Variants in FBXW7 observed in about 807,000 individuals in gnomAD.
FBXW7 encodes F-box and WD repeat domain containing 7, also known as F-box/WD repeat-containing protein 7.
Under a neutral mutation model 86.3 loss-of-function variants are expected in FBXW7, and 11 were observed. The observed-to-expected ratio is 0.13, with a 90% CI of 0.08 to 0.21. The LOEUF is 0.21. FBXW7 is among the 10% of genes least tolerant of loss of function. The pLI, the probability that FBXW7 is intolerant of heterozygous loss-of-function variation, is 1.00. For missense variants in FBXW7, 488 were observed against 847.4 expected, an observed-to-expected ratio of 0.58 and a Z score of 5.27; for synonymous variants, 313 against 297.9, an observed-to-expected ratio of 1.05 and a Z score of -0.52.
chr4:152,339,974 G>A (rs1026060176), intron 6 of FBXW7, among the ~76,000 whole-genome samples: 1 of 150,576 alleles, frequency 6.6e-6, no homozygotes, highest in African/African-American at 2.4e-5. Context: ...TTTTATCAAG[G>A]CTTTTGGAGG....
chr4:152,364,448 C>G (rs1733270197), intron 4 of FBXW7, among the ~76,000 whole-genome samples: 1 of 152,124 alleles, frequency 6.6e-6, no homozygotes, highest in African/African-American at 2.4e-5. Flanking sequence ...GGAAAACTGG[C>G]AAAAGTTATG....
At chr4:152,425,819 G>A (rs189772505) in intron 2 of FBXW7, among the ~76,000 whole-genome samples, 79 of 152,254 alleles carry the variant, frequency 5.2e-4, no homozygotes, top group Non-Finnish European at 9.1e-4. Flanking sequence ...GGCCACATAT[G>A]ATAGTTCTCT....
At chr4:152,482,085 T>C (rs551735958) in intron 2 of FBXW7, among the ~76,000 whole-genome samples, 9 of 152,276 alleles carry the variant, frequency 5.9e-5, no homozygotes, top group East Asian at 3.9e-4. Flanking sequence ...ACAAACTTCA[T>C]TGCTGTCTTA....
At chr4:152,520,533 A>G (rs1748920291) in intron 2 of FBXW7, among the ~76,000 whole-genome samples, 1 of 151,486 alleles carries the variant, frequency 6.6e-6, no homozygotes, top group Non-Finnish European at 1.5e-5. Flanking sequence ...TCTTTCCTAC[A>G]CCTCAATAGC....
intron 6 of FBXW7, among the ~76,000 whole-genome samples, chr4:152,340,628 T>C (rs1366207007): frequency 9.2e-6 from 1 of 108,888 alleles, no homozygotes; most frequent in Non-Finnish European, 2.0e-5. Flanking sequence ...CGAGTAGCAA[T>C]AGAAAATGAG....
intron 2 of FBXW7, among the ~76,000 whole-genome samples, chr4:152,448,496 C>G (rs1027639562): frequency 7.2e-5 from 11 of 152,152 alleles, no homozygotes; most frequent in African/African-American, 2.7e-4. Flanking sequence ...TGCAACTGGT[C>G]TGATGTATGG....
intron 4 of FBXW7, chr4:152,353,033 CA>C: frequency 1.7e-6 from 2 of 1,185,490 alleles, no homozygotes; most frequent in Non-Finnish European, 2.1e-6. Flanking sequence ...TCTCCCCTTT[CA>C]AACTTTCAAG....
At chr4:152,390,634 T>C (rs1735917730) in intron 4 of FBXW7, among the ~76,000 whole-genome samples, 1 of 152,088 alleles carries the variant, frequency 6.6e-6, no homozygotes, top group South Asian at 2.1e-4. Context: ...AGAAAGACAA[T>C]AACTTCTTTA....
intron 6 of FBXW7, among the ~76,000 whole-genome samples, chr4:152,341,820 T>C (rs117031644): frequency 0.018 from 2,711 of 152,308 alleles, 45 homozygotes; most frequent in Middle Eastern, 0.037. Context: ...TGTGTGTGTG[T>C]GCGCGCGCAT....
intron 4 of FBXW7, among the ~76,000 whole-genome samples, chr4:152,376,668 C>T (rs1370031910): frequency 6.6e-6 from 1 of 151,810 alleles, no homozygotes; most frequent in Non-Finnish European, 1.5e-5. Context: ...CACAGTATTG[C>T]TAAGAGGTCC....
At chr4:152,382,097 A>G in intron 4 of FBXW7, 1 of 842,572 alleles carries the variant, frequency 1.2e-6, no homozygotes, top group South Asian at 2.8e-5. Flanking sequence ...AATTTTAAAT[A>G]AAAACTGAAA....
chr4:152,409,269 T>C (rs926575586), intron 4 of FBXW7, among the ~76,000 whole-genome samples: 2 of 152,176 alleles, frequency 1.3e-5, no homozygotes, highest in African/African-American at 4.8e-5. Flanking sequence ...GGGATTTCAT[T>C]TCTTATGCCT....
At chr4:152,382,769 T>A (rs144139538) in intron 4 of FBXW7, among the ~76,000 whole-genome samples, 1 of 152,290 alleles carries the variant, frequency 6.6e-6, no homozygotes, top group African/African-American at 2.4e-5. Context: ...CATTGTATCT[T>A]GAGTATCTAT....
intron 2 of FBXW7, among the ~76,000 whole-genome samples, chr4:152,418,433 T>C (rs894127103): frequency 1.3e-5 from 2 of 152,142 alleles, no homozygotes; most frequent in African/African-American, 2.4e-5. Context: ...TTTCTATTGC[T>C]GTTTGGGCTT....
intron 2 of FBXW7, among the ~76,000 whole-genome samples, chr4:152,431,358 G>C (rs573778201): frequency 6.6e-6 from 1 of 152,242 alleles, no homozygotes; most frequent in South Asian, 2.1e-4. Context: ...AGTGGGTTTT[G>C]TAAGGTGGGA....
chr4:152,380,729 CTTGT>C (rs1384815031), intron 4 of FBXW7, among the ~76,000 whole-genome samples: 4 of 151,916 alleles, frequency 2.6e-5, no homozygotes, highest in African/African-American at 9.7e-5. Flanking sequence ...CCCATATGTA[CTTGT>C]TTATTAAAAA....
At chr4:152,374,690 A>T (rs946260660) in intron 4 of FBXW7, among the ~76,000 whole-genome samples, 2 of 152,150 alleles carry the variant, frequency 1.3e-5, no homozygotes, top group East Asian at 3.8e-4. Context: ...CAAAGTTGTC[A>T]TATAACATCA....
intron 2 of FBXW7, among the ~76,000 whole-genome samples, chr4:152,446,984 A>G (rs1221254355): frequency 2.0e-5 from 3 of 152,194 alleles, no homozygotes; most frequent in African/African-American, 7.2e-5. Flanking sequence ...TTGAATAATA[A>G]AAGATTACAA....
intron 4 of FBXW7, chr4:152,382,226 C>T (rs775800662): frequency 1.9e-5 from 30 of 1,585,390 alleles, no homozygotes; most frequent in South Asian, 1.5e-4. Flanking sequence ...GGCAATGATG[C>T]TAATGCTAAA....
Sources: allele counts gnomAD v4.1 joint callset (sites outside exome capture counted in the v4.1 genomes callset), GRCh38; gene constraint gnomAD v4.1.1; transcripts MANE v1.5; gene names NCBI Gene and HGNC (gene_info 2026-07-23, HGNC 2026-07-21).